Variants in GRIA1 observed in about 807,000 individuals in gnomAD.
GRIA1 encodes the protein glutamate receptor 1.
GRIA1 carries 31 observed loss-of-function variants against 99.2 expected under a neutral mutation model. That is an observed-to-expected ratio of 0.31 (90% CI 0.23 to 0.42). The LOEUF is 0.42. GRIA1 is among the 10% of genes least tolerant of loss of function. The pLI, the probability that GRIA1 is intolerant of heterozygous loss-of-function variation, is 1.00. For missense variants in GRIA1, 782 were observed against 1,157.5 expected (o/e 0.68, Z 4.71); for synonymous variants, 438 against 432.4 (o/e 1.01, Z -0.16).
chr5:153,555,402 A>T (rs1053174426), intron 2 of GRIA1, among the ~76,000 whole-genome samples: 1 of 152,082 alleles, frequency 6.6e-6, no homozygotes, highest in African/African-American at 2.4e-5. Context: ...TATTTTAGGA[A>T]ATTTGTACCA....
intron 5 of GRIA1, among the ~76,000 whole-genome samples, chr5:153,661,624 C>T (rs772976509): frequency 1.1e-4 from 17 of 152,140 alleles, no homozygotes; most frequent in African/African-American, 2.9e-4. Flanking sequence ...CAGGGCCTGG[C>T]GAAGTGAGTT....
intron 2 of GRIA1, among the ~76,000 whole-genome samples, chr5:153,535,655 C>G (rs753430806): frequency 6.6e-6 from 1 of 152,204 alleles, no homozygotes; most frequent in Non-Finnish European, 1.5e-5. Flanking sequence ...CCATTCCTAA[C>G]ATAAAATAGT....
intron 2 of GRIA1, among the ~76,000 whole-genome samples, chr5:153,544,164 G>T (rs574853376): frequency 6.6e-6 from 1 of 152,176 alleles, no homozygotes; most frequent in Non-Finnish European, 1.5e-5. Context: ...GCTAGGAATG[G>T]GATTATGCAG....
At chr5:153,810,902 G>T in intron 15 of GRIA1, 123 bp from the exon 16 acceptor site, 1 of 721,268 alleles carries the variant, frequency 1.4e-6, no homozygotes, top group South Asian at 1.6e-5. Flanking sequence ...TAGCGTTGTA[G>T]AATAGGAAAG....
At chr5:153,683,468 A>G (rs539584502) in intron 7 of GRIA1, among the ~76,000 whole-genome samples, 151 of 152,180 alleles carry the variant, frequency 9.9e-4, no homozygotes, top group Admixed American at 2.5e-3. Context: ...TGAAACAGGC[A>G]AAATAACGTC....
chr5:153,563,069 G>A (rs1356841514), intron 2 of GRIA1, among the ~76,000 whole-genome samples: 1 of 151,940 alleles, frequency 6.6e-6, no homozygotes, highest in African/African-American at 2.4e-5. Flanking sequence ...CCAGCTCCTT[G>A]GGAGGCTGAG....
At chr5:153,543,882 G>A (rs548416416) in intron 2 of GRIA1, among the ~76,000 whole-genome samples, 21 of 151,948 alleles carry the variant, frequency 1.4e-4, no homozygotes, top group Admixed American at 5.2e-4. Context: ...GCTTTCAGTC[G>A]AGTCTAGTGA....
chr5:153,722,658 T>TA (rs1425188697), intron 11 of GRIA1, among the ~76,000 whole-genome samples: 2 of 152,232 alleles, frequency 1.3e-5, no homozygotes, highest in African/African-American at 4.8e-5. Context: ...GTTCTGTTGA[T>TA]ATAGTTGTCT....
At chr5:153,748,013 A>C (rs1451131828) in intron 11 of GRIA1, among the ~76,000 whole-genome samples, 1 of 152,238 alleles carries the variant, frequency 6.6e-6, no homozygotes, top group Non-Finnish European at 1.5e-5. Context: ...TGTGCCAGGC[A>C]CTGTGCTAGT....
At chr5:153,804,164 A>G (rs1221250538) in intron 15 of GRIA1, among the ~76,000 whole-genome samples, 1 of 152,130 alleles carries the variant, frequency 6.6e-6, no homozygotes, top group Non-Finnish European at 1.5e-5. Flanking sequence ...ACAATTAAGG[A>G]ATGGAAGTTC....
At chr5:153,619,325 C>G (rs1411980078) in intron 2 of GRIA1, among the ~76,000 whole-genome samples, 1 of 152,100 alleles carries the variant, frequency 6.6e-6, no homozygotes, top group African/African-American at 2.4e-5. Flanking sequence ...TTCATTTGAA[C>G]ATTTTGGATA....
chr5:153,496,284 G>A (rs918112334), intron 2 of GRIA1, among the ~76,000 whole-genome samples: 1 of 152,194 alleles, frequency 6.6e-6, no homozygotes, highest in African/African-American at 2.4e-5. Context: ...ATGAATCTGA[G>A]TTCTTGAACT....
chr5:153,626,047 A>G (rs1277542823), intron 2 of GRIA1, among the ~76,000 whole-genome samples: 1 of 152,074 alleles, frequency 6.6e-6, no homozygotes, highest in African/African-American at 2.4e-5. Flanking sequence ...GGGAGACCTG[A>G]CTCTGCAGAT....
intron 2 of GRIA1, among the ~76,000 whole-genome samples, chr5:153,557,228 G>A (rs930988099): frequency 7.9e-5 from 12 of 152,142 alleles, no homozygotes; most frequent in Middle Eastern, 3.4e-3. Context: ...AACACTCCAC[G>A]GTTAGGCTAC....
intron 11 of GRIA1, among the ~76,000 whole-genome samples, chr5:153,712,319 G>A (rs1040451034): frequency 5.9e-5 from 9 of 152,148 alleles, no homozygotes; most frequent in African/African-American, 2.2e-4. Flanking sequence ...CAAAGTGCTG[G>A]GATTACAGGC....
Position 153,699,003 on chromosome 5 carries a change from A to G in GRIA1, c.1382A>G (p.Asp461Gly). Residue 461 changes from aspartate (D) to glycine (G), a missense_variant, in exon 10 of 16, where the codon GAT (aspartate) becomes GGT (glycine). Asp to Gly is a moderately conservative substitution (Grantham distance 94, BLOSUM62 -1). Around this residue, in one of 5 missense-constraint regions of GRIA1, gnomAD observed 87 missense variants for 184.5 expected, o/e 0.47. Transcript: ENST00000285900. ...TCCTACCGTCTGGAGATTGTCAGTG[A>G]TGGAAAATACGGAGCCCGAGACCCT... ...GYSYRLEIVS[D>G]GKYGARDPDT... is the part of the protein sequence containing the mutation. 6.2e-7 allele frequency: 1 copy of G among 1,614,062 alleles called. No homozygotes were observed. The highest frequency in any genetic ancestry group is 8.5e-7 in the Non-Finnish European group (1 of 1,179,958).
At chr5:153,588,338 A>G (rs1399283019) in intron 2 of GRIA1, among the ~76,000 whole-genome samples, 10 of 152,128 alleles carry the variant, frequency 6.6e-5, no homozygotes, top group Non-Finnish European at 1.5e-5. Flanking sequence ...GTATGCACGC[A>G]CTTCCCCCAA....
chr5:153,637,461 C>T (rs902996572), intron 2 of GRIA1, among the ~76,000 whole-genome samples: 13 of 152,176 alleles, frequency 8.5e-5, no homozygotes, highest in Non-Finnish European at 1.5e-4. Flanking sequence ...GAACAGCATA[C>T]ACGTTGAGTC....
At chr5:153,810,264 G>A (rs1290592214) in intron 15 of GRIA1, among the ~76,000 whole-genome samples, 3 of 152,322 alleles carry the variant, frequency 2.0e-5, no homozygotes, top group Non-Finnish European at 1.5e-5. Context: ...TCTACATGCT[G>A]ATGGGAAGCA....
Sources: gnomAD v4.1 joint callset for allele counts (sites outside exome capture counted in the v4.1 genomes callset) on GRCh38, gnomAD v4.1.1 for gene constraint, gnomAD v4.1.1 regional missense constraint, MANE v1.5 for transcripts, NCBI Gene and HGNC (gene_info 2026-07-23, HGNC 2026-07-21) for gene names.